Variants in CDH12 observed in about 807,000 individuals in gnomAD.
The protein encoded by CDH12 is cadherin 12, also known as cadherin-12.
Under a neutral mutation model 74.1 loss-of-function variants are expected in CDH12, and 41 were observed. The observed-to-expected ratio is 0.55, with a 90% CI of 0.43 to 0.72. The LOEUF is 0.72. Ranked by LOEUF, CDH12 falls within the 30% of genes least tolerant of loss-of-function variation. The pLI is 0.00. For missense variants in CDH12, 945 were observed against 977.2 expected, an observed-to-expected ratio of 0.97 and a Z score of 0.44; for synonymous variants, 399 against 355.0, an observed-to-expected ratio of 1.12 and a Z score of -1.39.
chr5:22,739,393 C>G (rs1744906745), intron 1 of CDH12, among the ~76,000 whole-genome samples: 1 of 151,768 alleles, frequency 6.6e-6, no homozygotes, highest in Non-Finnish European at 1.5e-5. Flanking sequence ...GAATGTTGTC[C>G]ACTTTTCTCC....
intron 4 of CDH12, among the ~76,000 whole-genome samples, chr5:22,132,070 A>G (rs1487608779): frequency 2.0e-5 from 3 of 152,054 alleles, no homozygotes. Context: ...TTTTTATACT[A>G]CTATTTCAAT....
intron 11 of CDH12, among the ~76,000 whole-genome samples, chr5:21,779,770 C>T (rs1260172366): frequency 6.6e-6 from 1 of 152,104 alleles, no homozygotes; most frequent in African/African-American, 2.4e-5. Context: ...CATTTATTCA[C>T]GGTGATGATA....
intron 1 of CDH12, among the ~76,000 whole-genome samples, chr5:22,561,851 C>A (rs1292901989): frequency 6.6e-6 from 1 of 152,070 alleles, no homozygotes; most frequent in African/African-American, 2.4e-5. Flanking sequence ...ACCCTTTAAT[C>A]CTGGTATATA....
intron 1 of CDH12, among the ~76,000 whole-genome samples, chr5:22,570,194 T>C (rs1739476731): frequency 6.6e-6 from 1 of 151,826 alleles, no homozygotes; most frequent in Non-Finnish European, 1.5e-5. Context: ...CAGCTGGGAT[T>C]ACAGGCGCCC....
intron 1 of CDH12, among the ~76,000 whole-genome samples, chr5:22,644,559 A>G (rs909657873): frequency 6.6e-6 from 1 of 152,056 alleles, no homozygotes; most frequent in Non-Finnish European, 1.5e-5. Context: ...AGGTTGGTTC[A>G]TGAGGTTTGA....
chr5:22,715,931 G>A (rs1743552540), intron 1 of CDH12, among the ~76,000 whole-genome samples: 2 of 152,060 alleles, frequency 1.3e-5, no homozygotes, highest in South Asian at 4.2e-4. Context: ...GAGGTCAGGA[G>A]TTCAAGATGA....
At chr5:22,393,559 G>A (rs954825988) in intron 3 of CDH12, among the ~76,000 whole-genome samples, 1 of 152,026 alleles carries the variant, frequency 6.6e-6, no homozygotes, top group Non-Finnish European at 1.5e-5. Flanking sequence ...AAAAAATACC[G>A]AAAAATGTGG....
intron 3 of CDH12, among the ~76,000 whole-genome samples, chr5:22,381,011 T>G (rs1001937651): frequency 6.6e-6 from 1 of 151,908 alleles, no homozygotes; most frequent in Non-Finnish European, 1.5e-5. Flanking sequence ...TGACACTGAG[T>G]TGCCTATTTT....
At chr5:22,530,365 C>T (rs1335019615) in intron 1 of CDH12, among the ~76,000 whole-genome samples, 2 of 152,052 alleles carry the variant, frequency 1.3e-5, no homozygotes, top group African/African-American at 4.8e-5. Flanking sequence ...GACAGAAAAT[C>T]ATATTAAAGT....
At chr5:22,099,631 A>C (rs4493636) in intron 4 of CDH12, among the ~76,000 whole-genome samples, 74,357 of 151,870 alleles carry the variant, frequency 0.49, 18,426 homozygotes, top group African/African-American at 0.54. Flanking sequence ...ACTACTCATA[A>C]ATGCCCTGCT....
rs376957841 is a variant in CDH12 at position 22,305,613 on chromosome 5, G to A, written c.-332-92970C>T. Among the ~76,000 whole-genome samples the A allele has an allele frequency of 1.4e-4, 21 of 152,138 alleles. No individual in the cohort carries two copies. The East Asian group carries it at 2.5e-3, about 18-fold the overall frequency. ...TATGATCAGTCACTGAATGCAGGCC[G>A]CCCTAGGGAAGGGCATAACCTTGGG... On this transcript the variant is annotated intron_variant, in intron 3 of 14. Transcript: ENST00000382254.
Position 21,839,251 on chromosome 5 carries a change from T to G in CDH12, c.814+2910A>C, listed in dbSNP as rs149275740. Among the ~76,000 whole-genome samples the G allele has an allele frequency of 2.6e-4, 40 of 152,314 alleles. No homozygotes were observed. The East Asian group carries it at 7.3e-3, about 28-fold the overall frequency. ...CCTTTTATATCTCTTTTTTCCTGTT[T>G]TCCTTAATAACAAAATAAGGAAAAG... is the stretch of plus-strand genomic sequence containing the variant. On this transcript the variant is annotated intron_variant, in intron 8 of 14. Transcript: ENST00000382254.
At chr5:22,397,164 T>C (rs1169376652) in intron 3 of CDH12, among the ~76,000 whole-genome samples, 3 of 152,046 alleles carry the variant, frequency 2.0e-5, no homozygotes, top group African/African-American at 7.2e-5. Flanking sequence ...ATGCAAAAAT[T>C]ATTATCACGT....
chr5:21,891,529 C>G (rs2150044468), intron 6 of CDH12, among the ~76,000 whole-genome samples: 2 of 150,106 alleles, frequency 1.3e-5, no homozygotes, highest in African/African-American at 4.9e-5. Flanking sequence ...AAAGTCCCTT[C>G]ATTCTTCAGT....
chr5:22,369,496 A>T (rs9688074), intron 3 of CDH12, among the ~76,000 whole-genome samples: 2 of 152,192 alleles, frequency 1.3e-5, no homozygotes, highest in Admixed American at 1.3e-4. Context: ...TTAAAAAAAT[A>T]CATACAAAGA....
chr5:21,847,835 C>A (rs749300389), intron 7 of CDH12, among the ~76,000 whole-genome samples: 2 of 152,122 alleles, frequency 1.3e-5, no homozygotes, highest in African/African-American at 2.4e-5. Context: ...TCTCCTTAGT[C>A]TTTAAGCTAT....
At chr5:21,816,624 CAAAAAA>C (rs542222336) in intron 9 of CDH12, among the ~76,000 whole-genome samples, 255 of 17,882 alleles carry the variant, frequency 0.014, no homozygotes, top group African/African-American at 0.031. Flanking sequence ...AACTCCATCT[CAAAAAA>C]AAAAAAAAAA....
At chr5:21,837,910 A>T (rs1749631347) in intron 8 of CDH12, among the ~76,000 whole-genome samples, 1 of 152,166 alleles carries the variant, frequency 6.6e-6, no homozygotes, top group South Asian at 2.1e-4. Flanking sequence ...CAAGCAGAAA[A>T]TAATTTGATC....
chr5:22,200,631 T>A (rs1020331780), intron 4 of CDH12, among the ~76,000 whole-genome samples: 4 of 152,162 alleles, frequency 2.6e-5, no homozygotes, highest in African/African-American at 9.6e-5. Flanking sequence ...TTTGAACTAA[T>A]CTAATTGTTA....
Sources: gnomAD v4.1 joint callset for allele counts (sites outside exome capture counted in the v4.1 genomes callset) on GRCh38, gnomAD v4.1.1 for gene constraint, MANE v1.5 for transcripts, NCBI Gene and HGNC (gene_info 2026-07-23, HGNC 2026-07-21) for gene names.